MEIS2: variants seen among roughly 807,000 people sequenced by gnomAD.
The protein encoded by MEIS2 is Meis homeobox 2.
Under a neutral mutation model 58.6 loss-of-function variants are expected in MEIS2, and 9 were observed. The ratio of observed to expected loss-of-function variants is 0.15; its 90% CI spans 0.09 to 0.27. The LOEUF (loss-of-function observed/expected upper bound fraction) is 0.27. Among genes scored for constraint, MEIS2 ranks in the 10% least tolerant of loss-of-function variants. The pLI is 1.00. For missense variants in MEIS2, 427 were observed against 635.0 expected (o/e 0.67, Z 3.52); for synonymous variants, 221 against 228.4 (o/e 0.97, Z 0.29).
At chr15:36,938,243 A>T (rs1347796013) in intron 9 of MEIS2, among the ~76,000 whole-genome samples, 1 of 152,044 alleles carries the variant, frequency 6.6e-6, no homozygotes, top group African/African-American at 2.4e-5. Flanking sequence ...CTGCAATAAC[A>T]TCTATACCCT....
chr15:36,913,052 C>T (rs1245682285), intron 9 of MEIS2, among the ~76,000 whole-genome samples: 1 of 152,082 alleles, frequency 6.6e-6, no homozygotes, highest in Non-Finnish European at 1.5e-5. Context: ...CATATATGGA[C>T]ATACAAAATA....
At chr15:36,944,634 A>T (rs2058495112) in intron 9 of MEIS2, among the ~76,000 whole-genome samples, 1 of 152,128 alleles carries the variant, frequency 6.6e-6, no homozygotes, top group South Asian at 2.1e-4. Context: ...CAGCATCGGC[A>T]GTTTCAGCAC....
chr15:37,034,706 G>A (rs536715341), intron 8 of MEIS2, among the ~76,000 whole-genome samples: 1 of 152,284 alleles, frequency 6.6e-6, no homozygotes, highest in African/African-American at 2.4e-5. Flanking sequence ...GTAACACGGA[G>A]CTTTCAAAAC....
chr15:36,895,349 G>T, intron 10 of MEIS2, 88 bp from the exon 11 acceptor site: 1 of 1,148,542 alleles, frequency 8.7e-7, no homozygotes, highest in Non-Finnish European at 1.3e-6. Context: ...GCACTGAAAC[G>T]TTATAGCAAC....
At chr15:36,985,321 G>A (rs559546776) in intron 8 of MEIS2, among the ~76,000 whole-genome samples, 1 of 152,154 alleles carries the variant, frequency 6.6e-6, no homozygotes, top group Non-Finnish European at 1.5e-5. Flanking sequence ...TTCTCAATGA[G>A]TATTTTAATC....
intron 8 of MEIS2, among the ~76,000 whole-genome samples, chr15:36,954,083 G>A (rs1291009320): frequency 6.6e-6 from 1 of 152,022 alleles, no homozygotes; most frequent in Non-Finnish European, 1.5e-5. Flanking sequence ...TCATAAATTA[G>A]ATATGTACAA....
intron 7 of MEIS2, among the ~76,000 whole-genome samples, chr15:37,038,605 T>C (rs541176603): frequency 6.6e-6 from 1 of 152,374 alleles, no homozygotes; most frequent in South Asian, 2.1e-4. Flanking sequence ...CCCTTCCATC[T>C]GCCCAAACAC....
intron 8 of MEIS2, among the ~76,000 whole-genome samples, chr15:36,996,703 G>A (rs2060533761): frequency 6.6e-6 from 1 of 152,142 alleles, no homozygotes; most frequent in African/African-American, 2.4e-5. Context: ...GAACGGAAAT[G>A]GAACCTCTGA....
intron 8 of MEIS2, among the ~76,000 whole-genome samples, chr15:37,009,222 G>A (rs1475371990): frequency 6.6e-6 from 1 of 152,126 alleles, no homozygotes; most frequent in East Asian, 1.9e-4. Flanking sequence ...CTGGGAGGCG[G>A]AGCTTGCAGT....
chr15:37,096,148 G>T (rs1334295485), intron 3 of MEIS2, 141 bp downstream of exon 3: 4 of 868,784 alleles, frequency 4.6e-6, no homozygotes, highest in Non-Finnish European at 6.8e-6. Context: ...GCTCAGGGAT[G>T]GGGAGGAGGC....
intron 8 of MEIS2, among the ~76,000 whole-genome samples, chr15:36,999,573 A>G (rs2060648589): frequency 6.6e-6 from 1 of 152,136 alleles, no homozygotes; most frequent in South Asian, 2.1e-4. Context: ...TCCTGCAGGG[A>G]GTTTTCATTT....
intron 11 of MEIS2, chr15:36,894,409 T>A (rs958101117): frequency 1.1e-5 from 2 of 180,202 alleles, no homozygotes; most frequent in African/African-American, 4.8e-5. Flanking sequence ...CAAGACATTA[T>A]TTTTATTCTT....
chr15:37,078,863 T>TA (rs962644533), intron 7 of MEIS2, among the ~76,000 whole-genome samples: 16 of 149,922 alleles, frequency 1.1e-4, no homozygotes, highest in African/African-American at 3.2e-4. Context: ...ATGACTCAGT[T>TA]AAAAAAAAAA....
chr15:37,048,168 A>C (rs1406184661), intron 7 of MEIS2, among the ~76,000 whole-genome samples: 3 of 152,156 alleles, frequency 2.0e-5, no homozygotes, highest in Non-Finnish European at 4.4e-5. Context: ...CATTTTTAAC[A>C]TTTTAAACTA....
intron 8 of MEIS2, among the ~76,000 whole-genome samples, chr15:36,975,550 AT>A (rs66698318): frequency 0.87 from 131,278 of 150,742 alleles, 57,199 homozygotes; most frequent in East Asian, 0.95. Flanking sequence ...ACCTGCATCA[AT>A]TTTTCCCTTC....
rs948255036 is a variant in MEIS2 at position 36,906,611 on chromosome 15, A to T, written c.978-9925T>A. 2.0e-5 allele frequency among the ~76,000 whole-genome samples: 3 copies of T among 150,934 alleles called. No individual in the cohort carries two copies. The South Asian group carries it at 6.3e-4, about 32-fold the overall frequency. On this transcript the variant is annotated intron_variant, in intron 9 of 11. Transcript: ENST00000561208. ...TTTCAAATGTTACCTTTGGTTTGAC[A>T]ATAGGACTTTCAGGCTGACAAAGTA...
chr15:36,944,050 A>G (rs1490534156), intron 9 of MEIS2, among the ~76,000 whole-genome samples: 1 of 152,024 alleles, frequency 6.6e-6, no homozygotes, highest in East Asian at 1.9e-4. Flanking sequence ...AGGTACAATA[A>G]ATACATCCAG....
At chr15:36,917,870 G>A (rs547324848) in intron 9 of MEIS2, among the ~76,000 whole-genome samples, 8 of 152,236 alleles carry the variant, frequency 5.3e-5, no homozygotes, top group Non-Finnish European at 8.8e-5. Flanking sequence ...TGGTAGCCTC[G>A]CTTTGCTTAT....
chr15:36,976,210 A>G (rs987383648), intron 8 of MEIS2, among the ~76,000 whole-genome samples: 9 of 151,734 alleles, frequency 5.9e-5, no homozygotes, highest in African/African-American at 2.2e-4. Context: ...TCATCCTCCC[A>G]CATAGCTGGG....
Sources: gnomAD v4.1 joint callset for allele counts (sites outside exome capture counted in the v4.1 genomes callset) on GRCh38, gnomAD v4.1.1 for gene constraint, MANE v1.5 for transcripts, NCBI Gene and HGNC (gene_info 2026-07-23, HGNC 2026-07-21) for gene names.